Variants in PARD3B observed in about 807,000 individuals in gnomAD.
PARD3B encodes the protein par-3 family cell polarity regulator beta.
In PARD3B, 103 loss-of-function variants were observed where a neutral mutation model predicts 130.2. That is an observed-to-expected ratio of 0.79 (90% CI 0.67 to 0.93). PARD3B has a LOEUF of 0.93. Ranked by LOEUF, PARD3B falls within the 40% of genes least tolerant of loss-of-function variation. The pLI is 0.00. For synonymous variants in PARD3B, 583 were observed against 553.2 expected (o/e 1.05, Z -0.76); for missense variants, 1,609 against 1,499.2 (o/e 1.07, Z -1.21).
chr2:204,929,471 A>G (rs1276537610), intron 2 of PARD3B, among the ~76,000 whole-genome samples: 1 of 152,182 alleles, frequency 6.6e-6, no homozygotes, highest in African/African-American at 2.4e-5. Context: ...TGATAACAAA[A>G]TGAGTTAAAA....
chr2:204,566,096 G>A (rs1007038358), intron 1 of PARD3B, among the ~76,000 whole-genome samples: 6 of 152,188 alleles, frequency 3.9e-5, no homozygotes, highest in African/African-American at 1.4e-4. Context: ...CATCAGTAGT[G>A]CCAGTGTTGA....
At chr2:205,472,838 G>T (rs982995147) in intron 20 of PARD3B, among the ~76,000 whole-genome samples, 1 of 152,068 alleles carries the variant, frequency 6.6e-6, no homozygotes, top group Admixed American at 6.6e-5. Context: ...AGTGAGAAGG[G>T]AGACAAATGA....
intron 20 of PARD3B, among the ~76,000 whole-genome samples, chr2:205,450,721 C>G (rs539815537): frequency 6.6e-6 from 1 of 152,122 alleles, no homozygotes; most frequent in African/African-American, 2.4e-5. Context: ...GGTGATCCGC[C>G]CGCCTCGGCC....
chr2:205,193,418 G>A (rs2036501654), intron 15 of PARD3B, 98 bp downstream of exon 15: 1 of 897,458 alleles, frequency 1.1e-6, no homozygotes. Context: ...CAAACCTCAG[G>A]GAACAAGGTC....
At position 205,553,383 on chromosome 2, in the gene PARD3B, G is replaced by A. The variant is rs749592923; in HGVS notation, c.3240G>A (p.Arg1080=). ...ACCTCCGCTTTGAAGGGATGGAGAG[G>A]CAGTACGCATCCTTACCCAGGTAGA... ...AHNLRFEGME[R]QYASLPRGGP... Residue 1080 remains arginine (R), a synonymous_variant, in exon 22 of 23, where the codon AGG becomes AGA. Coordinates refer to ENST00000406610, the MANE Select transcript of PARD3B (RefSeq NM_001302769.2). 5.6e-6 allele frequency: 9 copies of A among 1,613,888 alleles called. No individual in the cohort carries two copies. In the African/African-American group the frequency reaches 9.3e-5, roughly 17 times the overall value.
intron 2 of PARD3B, among the ~76,000 whole-genome samples, chr2:204,875,903 G>A (rs1316486066): frequency 6.6e-6 from 1 of 152,116 alleles, no homozygotes; most frequent in African/African-American, 2.4e-5. Context: ...TGAATCTTTC[G>A]GGTTCTCACT....
At position 205,300,630 on chromosome 2, in the gene PARD3B, TC is replaced by T. The variant is rs755384912; in HGVS notation, c.2289del (p.His765ThrfsTer31). On this transcript the variant is annotated frameshift_variant, in exon 17 of 23. Coordinates refer to ENST00000406610, the MANE Select transcript of PARD3B (RefSeq NM_001302769.2). LOFTEE classifies it high-confidence loss of function. This position sits in a 1 kb window ranked among gnomAD's most constrained non-coding sequence, Gnocchi z 4.1. ...TGGCCGAGGTCAGGAAGAATGACCT[TC>T]CCTTTCACAGGCCCCGGCCGCACAT... ...AVAEVRKNDLPFHRPRPHMVR... is the reference protein window; with the variant it reads ...AVAEVRKNDLXFHRPRPHMVR... The T allele has an allele frequency of 5.1e-5, 82 of 1,613,754 alleles. No homozygotes were observed. The highest frequency in any genetic ancestry group is 6.8e-5 in the Non-Finnish European group (80 of 1,180,002).
At chr2:205,031,757 G>C (rs540889542) in intron 3 of PARD3B, among the ~76,000 whole-genome samples, 5 of 152,094 alleles carry the variant, frequency 3.3e-5, no homozygotes, top group Non-Finnish European at 5.9e-5. Flanking sequence ...AGATCAAAAA[G>C]GTATTACCTG....
intron 21 of PARD3B, among the ~76,000 whole-genome samples, chr2:205,543,267 CTATTTT>C (rs2052242427): frequency 6.6e-6 from 1 of 152,118 alleles, no homozygotes; most frequent in Non-Finnish European, 1.5e-5. Flanking sequence ...ATAAACCAGG[CTATTTT>C]TATAACACAT....
rs1338833700 is a variant in PARD3B at position 205,499,912 on chromosome 2, G to A, written c.3061G>A (p.Gly1021Arg). 8 of 1,613,588 alleles carry A rather than the reference G, an allele frequency of 5.0e-6. No individual in the cohort carries two copies. In the East Asian group the frequency reaches 1.3e-4, roughly 27 times the overall value. Residue 1021 changes from glycine (G) to arginine (R), a missense_variant, in exon 21 of 23, where the codon GGA becomes AGA. By Grantham distance (125) the Gly-to-Arg change is moderately radical (BLOSUM62 -2). Transcript: ENST00000406610. ...ATCCTGTAGTGGCCGTCCTACGGGTGGAAGCACTGACCGTATCCAGAAGTT... is the reference window on the plus strand; with the variant it reads ...ATCCTGTAGTGGCCGTCCTACGGGTAGAAGCACTGACCGTATCCAGAAGTT... ...VPADSGRPTGGSTDRIQKLRK... is the reference protein window; with the variant it reads ...VPADSGRPTGRSTDRIQKLRK...
rs552493015 is a variant in PARD3B, at chr2:204,965,276, A to G, written c.347A>G (p.Lys116Arg). 1.9e-6 allele frequency: 3 copies of G among 1,613,880 alleles called. No homozygotes were observed. Among genetic ancestry groups the G allele is most frequent in the African/African-American group, 2.7e-5 (2 of 75,014 alleles). ...GTGGCCGCCCAACTGGCCGCATTTA[A>G]GCCAATTGGTGGGGAGATTGAAGTA... The part of the protein sequence containing the change: ...TEVAAQLAAF[K>R]PIGGEIEVTP... The change falls in exon 3 of 23, where the codon AAG (lysine) becomes AGG (arginine). Residue 116 changes from lysine (K) to arginine (R), a missense_variant. Transcript: ENST00000406610.
intron 3 of PARD3B, among the ~76,000 whole-genome samples, chr2:205,002,934 T>C (rs963527709): frequency 1.3e-5 from 2 of 152,196 alleles, no homozygotes; most frequent in Admixed American, 1.3e-4. Flanking sequence ...AAACTCCTTG[T>C]AGGGCAAACA....
intron 2 of PARD3B, among the ~76,000 whole-genome samples, chr2:204,934,567 A>G (rs903494625): frequency 2.0e-5 from 3 of 152,118 alleles, no homozygotes; most frequent in African/African-American, 7.3e-5. Flanking sequence ...ATGCTCAGTT[A>G]TAGAATGTAT....
intron 4 of PARD3B, among the ~76,000 whole-genome samples, chr2:205,097,830 CGTGTGTGTGTGTGT>C (rs71939970): frequency 1.3e-5 from 2 of 150,364 alleles, no homozygotes; most frequent in Non-Finnish European, 3.0e-5. Context: ...AATCTAGTGG[CGTGTGTGTGTGTGT>C]GTGTGTGTGT....
intron 21 of PARD3B, among the ~76,000 whole-genome samples, chr2:205,507,672 G>A (rs77813884): frequency 0.031 from 4,684 of 152,194 alleles, 161 homozygotes; most frequent in South Asian, 0.13. Flanking sequence ...GTAGATGGTA[G>A]GCACAATTAC....
At chr2:204,923,483 A>C (rs1352824905) in intron 2 of PARD3B, among the ~76,000 whole-genome samples, 1 of 151,980 alleles carries the variant, frequency 6.6e-6, no homozygotes, top group Admixed American at 6.6e-5. Context: ...ATATTCAGTC[A>C]GCCTTAACCC....
intron 2 of PARD3B, among the ~76,000 whole-genome samples, chr2:204,928,178 T>G (rs898074212): frequency 6.6e-6 from 1 of 152,082 alleles, no homozygotes; most frequent in African/African-American, 2.4e-5. Flanking sequence ...TCATATGACC[T>G]TGGCTGGGAC....
chr2:205,379,897 G>A lies in PARD3B; in HGVS notation c.2631-21116G>A, dbSNP rs550609793. On this transcript the variant is annotated intron_variant, in intron 18 of 22. Coordinates refer to ENST00000406610, the MANE Select transcript of PARD3B (RefSeq NM_001302769.2). ...ATCTTGGCTAATATGGTGAAACCCC[G>A]TGTCTACTAAAAATATAAAAATTAT... Among the ~76,000 whole-genome samples the A allele has an allele frequency of 3.3e-5, 5 of 150,990 alleles. No homozygotes were observed. In the East Asian group the frequency reaches 7.8e-4, roughly 24 times the overall value.
intron 18 of PARD3B, among the ~76,000 whole-genome samples, chr2:205,304,596 T>C (rs1465523555): frequency 1.3e-5 from 2 of 149,190 alleles, no homozygotes; most frequent in East Asian, 2.0e-4. Flanking sequence ...GATTGCACCA[T>C]TGTACTCCCG....
Sources: gnomAD v4.1 joint callset for allele counts (sites outside exome capture counted in the v4.1 genomes callset) on GRCh38, gnomAD v4.1.1 for gene constraint, Gnocchi (gnomAD v3.1) non-coding constraint, MANE v1.5 for transcripts, NCBI Gene and HGNC (gene_info 2026-07-23, HGNC 2026-07-21) for gene names.